The following RUNX1T1 variants were observed in gnomAD, a reference collection of about 807,000 sequenced individuals.
RUNX1T1 encodes protein CBFA2T1.
RUNX1T1 carries 4 observed loss-of-function variants against 62.8 expected under a neutral mutation model. The observed-to-expected ratio is 0.06, with a 90% CI of 0.03 to 0.15. RUNX1T1 has a LOEUF of 0.15. RUNX1T1 is among the 10% of genes least tolerant of loss of function. The pLI is 1.00. For missense variants in RUNX1T1, 508 were observed against 754.3 expected (o/e 0.67, Z 3.82); for synonymous variants, 291 against 286.0 (o/e 1.02, Z -0.18).
intron 1 of RUNX1T1, among the ~76,000 whole-genome samples, chr8:92,034,775 T>C (rs948009039): frequency 1.5e-5 from 2 of 137,838 alleles, no homozygotes; most frequent in Non-Finnish European, 1.6e-5. Flanking sequence ...TACATATATA[T>C]ACACATATAT....
intron 1 of RUNX1T1, among the ~76,000 whole-genome samples, chr8:92,038,037 A>G (rs375626927): frequency 7.4e-6 from 1 of 134,352 alleles, no homozygotes; most frequent in African/African-American, 3.3e-5. Flanking sequence ...TACACAACTC[A>G]AAATTCTTCT....
chr8:91,998,490 T>C (rs1043200341), intron 5 of RUNX1T1, among the ~76,000 whole-genome samples: 1 of 152,092 alleles, frequency 6.6e-6, no homozygotes, highest in African/African-American at 2.4e-5. Context: ...CTAATACCTT[T>C]AGAAGTAAGT....
At chr8:92,078,254 T>C (rs1045967044) in intron 1 of RUNX1T1, among the ~76,000 whole-genome samples, 1 of 151,018 alleles carries the variant, frequency 6.6e-6, no homozygotes, top group Non-Finnish European at 1.5e-5. Context: ...GACTGGAGTG[T>C]CACATTTGTG....
chr8:92,100,843 CAT>C (rs1002836910), upstream of RUNX1T1, among the ~76,000 whole-genome samples: 1 of 152,222 alleles, frequency 6.6e-6, no homozygotes, highest in African/African-American at 2.4e-5. Context: ...TCACAGCTGA[CAT>C]AAACACTCAG....
At chr8:92,017,613 C>A in intron 1 of RUNX1T1, 1 of 1,357,642 alleles carries the variant, frequency 7.4e-7, no homozygotes. Context: ...CTGGCTTAGG[C>A]AGATGCTACC....
At chr8:92,041,517 G>A (rs953758002) in intron 1 of RUNX1T1, among the ~76,000 whole-genome samples, 6 of 152,316 alleles carry the variant, frequency 3.9e-5, no homozygotes, top group African/African-American at 1.2e-4. Context: ...GAGGTGGGCA[G>A]ATCACTTGAG....
At chr8:92,035,541 A>G (rs1827260304) in intron 1 of RUNX1T1, among the ~76,000 whole-genome samples, 2 of 152,258 alleles carry the variant, frequency 1.3e-5, no homozygotes, top group South Asian at 4.1e-4. Context: ...AATATGGTCA[A>G]TATAAAGGGA....
At chr8:91,993,824 TC>T (rs1343362472) in intron 5 of RUNX1T1, among the ~76,000 whole-genome samples, 1 of 152,090 alleles carries the variant, frequency 6.6e-6, no homozygotes, top group Non-Finnish European at 1.5e-5. Context: ...AAACCTCGCC[TC>T]TACTAAATAT....
At chr8:91,955,066 C>G (rs1234663659), downstream of RUNX1T1, 2 of 209,490 alleles carry the variant, frequency 9.5e-6, no homozygotes, top group Non-Finnish European at 1.9e-5. Flanking sequence ...CCCATCCATT[C>G]CAGGGAAATA....
Position 92,062,473 on chromosome 8 carries a change from T to C in RUNX1T1, c.7+73A>G, listed in dbSNP as rs553679577. ...ACAACACGCTGTGGGGCAGAAGGTATTTTCCATGCATAATAGAAAGTAAGC... is the reference window on the plus strand; with the variant it reads ...ACAACACGCTGTGGGGCAGAAGGTACTTTCCATGCATAATAGAAAGTAAGC... On this transcript the variant is annotated intron_variant, in intron 1 of 10. Coordinates refer to ENST00000396218, the Ensembl canonical transcript of RUNX1T1. 10 of 1,512,574 alleles carry C rather than the reference T, an allele frequency of 6.6e-6. No homozygotes were observed. The African/African-American group carries it at 1.4e-4, about 21-fold the overall frequency. The allele number at this position is 1,512,574 out of a possible 1,614,324, so 93.7% of individuals were successfully genotyped here. A position where few individuals can be genotyped will look rare whatever the true frequency, so the allele number is the denominator to read the frequency against.
intron 1 of RUNX1T1, among the ~76,000 whole-genome samples, chr8:92,042,547 G>T (rs1349807860): frequency 6.6e-6 from 1 of 152,052 alleles, no homozygotes; most frequent in African/African-American, 2.4e-5. Flanking sequence ...GTTTCGAAGG[G>T]CCTCAAGTGA....
chr8:92,041,379 T>C (rs1292066181), intron 1 of RUNX1T1, among the ~76,000 whole-genome samples: 2 of 152,232 alleles, frequency 1.3e-5, no homozygotes, highest in Admixed American at 6.5e-5. Context: ...TACTTGCTAC[T>C]TGGCACATAG....
chr8:92,007,967 CAAAAAA>C (rs34232877), intron 4 of RUNX1T1, among the ~76,000 whole-genome samples: 6 of 85,396 alleles, frequency 7.0e-5, no homozygotes, highest in South Asian at 4.7e-4. Context: ...GACTTTGTTT[CAAAAAA>C]AAAAAAAAAA....
intron 1 of RUNX1T1, among the ~76,000 whole-genome samples, chr8:92,092,509 C>T (rs1837184698): frequency 6.6e-6 from 1 of 152,108 alleles, no homozygotes; most frequent in African/African-American, 2.4e-5. Context: ...TTTAAACTTA[C>T]ATTTGCAGGT....
At chr8:92,076,085 C>T in exon 2 of RUNX1T1, 1 of 1,602,786 alleles carries the variant, frequency 6.2e-7, no homozygotes. Flanking sequence ...TTTCCTCTCT[C>T]CTTTTCTGAC....
exon 8 of RUNX1T1, chr8:91,986,185 G>A (rs778509217): frequency 9.3e-6 from 15 of 1,613,904 alleles, no homozygotes; most frequent in South Asian, 2.2e-5. Flanking sequence ...TGCTACTGCC[G>A]CCACCTTTTT....
intron 1 of RUNX1T1, among the ~76,000 whole-genome samples, chr8:92,054,913 G>A (rs1223146229): frequency 6.6e-6 from 1 of 152,116 alleles, no homozygotes; most frequent in East Asian, 1.9e-4. Context: ...GCTGAAGCAG[G>A]GGAACTGCTT....
At chr8:91,969,516 A>T (rs149691220) in intron 10 of RUNX1T1, among the ~76,000 whole-genome samples, 2 of 152,254 alleles carry the variant, frequency 1.3e-5, no homozygotes, top group African/African-American at 4.8e-5. Flanking sequence ...CTTATATCTT[A>T]GCCACAAGAT....
intron 8 of RUNX1T1, chr8:91,980,020 A>G (rs755799359): frequency 1.7e-5 from 5 of 287,902 alleles, no homozygotes; most frequent in African/African-American, 4.5e-5. Context: ...TTTTATCTTT[A>G]CAAATGCCAC....
Sources: allele counts gnomAD v4.1 joint callset (sites outside exome capture counted in the v4.1 genomes callset), GRCh38; gene constraint gnomAD v4.1.1; transcripts MANE v1.5; gene names NCBI Gene and HGNC (gene_info 2026-07-23, HGNC 2026-07-21).